The following PTPRG variants were observed in gnomAD, a reference collection of about 807,000 sequenced individuals.
The protein encoded by PTPRG is protein tyrosine phosphatase receptor type G, also known as receptor-type tyrosine-protein phosphatase gamma.
PTPRG carries 102 observed loss-of-function variants against 165.3 expected under a neutral mutation model. The ratio of observed to expected loss-of-function variants is 0.62; its 90% CI spans 0.53 to 0.73. The LOEUF (loss-of-function observed/expected upper bound fraction) is 0.73, where lower values mean the gene tolerates loss of function less well. Ranked by LOEUF, PTPRG falls within the 30% of genes least tolerant of loss-of-function variation. PTPRG has a pLI of 0.00. For synonymous variants in PTPRG, 675 were observed against 669.5 expected (o/e 1.01, Z -0.13); for missense variants, 1,866 against 1,861.4 (o/e 1.00, Z -0.05).
intron 1 of PTPRG, among the ~76,000 whole-genome samples, chr3:61,648,166 G>A (rs1702255627): frequency 6.6e-6 from 1 of 152,200 alleles, no homozygotes; most frequent in Non-Finnish European, 1.5e-5. Context: ...GCAGGGTGTT[G>A]TGGACCCCCA....
At position 62,092,893 on chromosome 3, in the gene PTPRG, A is replaced by G. The variant is rs542112455; in HGVS notation, c.615+14635A>G. 2.0e-5 allele frequency among the ~76,000 whole-genome samples: 3 copies of G among 152,336 alleles called. No individual in the cohort carries two copies. In the East Asian group the frequency reaches 5.8e-4, roughly 29 times the overall value. On this transcript the variant is annotated intron_variant, in intron 5 of 29. Coordinates refer to ENST00000474889, the MANE Select transcript of PTPRG (RefSeq NM_002841.4). Reference sequence around the variant, plus strand: ...GCAGTGGGAAGGGTCGTTAACCTGCATGTGTGAGAGAGGAAAGGCATTCTC... The same window carrying G: ...GCAGTGGGAAGGGTCGTTAACCTGCGTGTGTGAGAGAGGAAAGGCATTCTC...
chr3:61,867,361 A>G lies in PTPRG; in HGVS notation c.190+118379A>G, dbSNP rs1194909677. The stretch of plus-strand genomic sequence containing the variant: ...AAGCAAAAAGCCAAGGGAAGGAGGT[A>G]CCCGCTGGGTAACTGGTTAGTGTAA... On this transcript the variant is annotated intron_variant, in intron 2 of 29. Transcript: ENST00000474889. Among the ~76,000 whole-genome samples the G allele has an allele frequency of 1.3e-5, 2 of 152,176 alleles. 1 individual carries two copies. The highest frequency in any genetic ancestry group is 4.8e-5 in the African/African-American group (2 of 41,452).
intron 5 of PTPRG, among the ~76,000 whole-genome samples, chr3:62,081,779 A>T (rs1172013769): frequency 6.6e-6 from 1 of 152,210 alleles, no homozygotes; most frequent in African/African-American, 2.4e-5. Context: ...TTTGCTCTCT[A>T]TAAGAATGAT....
At chr3:62,004,486 C>T (rs1291613118) in intron 4 of PTPRG, among the ~76,000 whole-genome samples, 2 of 152,184 alleles carry the variant, frequency 1.3e-5, no homozygotes, top group Admixed American at 6.5e-5. Flanking sequence ...CACCAAATAC[C>T]TCCTTGCCCC....
chr3:62,201,732 G>A (rs993874614), intron 11 of PTPRG, among the ~76,000 whole-genome samples, 178 bp downstream of exon 11: 1 of 152,176 alleles, frequency 6.6e-6, no homozygotes, highest in Admixed American at 6.5e-5. Flanking sequence ...AACACAAGCT[G>A]TGCAACAGTG....
intron 2 of PTPRG, among the ~76,000 whole-genome samples, chr3:61,949,195 C>G (rs2039837556): frequency 6.6e-6 from 1 of 151,952 alleles, no homozygotes; most frequent in Admixed American, 6.6e-5. Context: ...ACCAAATCAA[C>G]CAACCAAACA....
Position 62,026,038 on chromosome 3 carries a change from T to C in PTPRG, c.519+22541T>C, listed in dbSNP as rs183120287. On this transcript the variant is annotated intron_variant, in intron 4 of 29. Transcript: ENST00000474889. The stretch of plus-strand genomic sequence containing the variant: ...TAAAGAGAAAAATGATTTTGCGACC[T>C]AGGCATTAAAGTATGCAGTGCCATC... Among the ~76,000 whole-genome samples, 185 of 152,354 alleles carry C rather than the reference T, an allele frequency of 1.2e-3. 1 individual carries two copies. Among genetic ancestry groups the C allele is most frequent in the African/African-American group, 4.2e-3 (175 of 41,592 alleles).
chr3:62,120,259 G>C (rs2106886970), intron 5 of PTPRG, among the ~76,000 whole-genome samples: 1 of 152,046 alleles, frequency 6.6e-6, no homozygotes, highest in Middle Eastern at 3.4e-3. Flanking sequence ...AGATGGTGTT[G>C]ATCCAGGATA....
chr3:61,979,824 G>C (rs1175220149), intron 2 of PTPRG, among the ~76,000 whole-genome samples: 1 of 152,188 alleles, frequency 6.6e-6, no homozygotes. Context: ...CAGGAAGTGA[G>C]TTAATCATCC....
intron 2 of PTPRG, among the ~76,000 whole-genome samples, chr3:61,966,195 A>G (rs898432036): frequency 3.9e-5 from 6 of 152,196 alleles, no homozygotes; most frequent in African/African-American, 7.2e-5. Context: ...ATCATCTCGC[A>G]TGCTTAACTA....
chr3:61,585,106 C>T (rs1409907631), intron 1 of PTPRG, among the ~76,000 whole-genome samples: 3 of 151,626 alleles, frequency 2.0e-5, no homozygotes. Context: ...CATGGCAAAA[C>T]CCCATCTGTA....
At chr3:61,755,012 G>A (rs964988454) in intron 2 of PTPRG, among the ~76,000 whole-genome samples, 6 of 150,284 alleles carry the variant, frequency 4.0e-5, no homozygotes, top group African/African-American at 9.8e-5. Flanking sequence ...TTTCTTTTGA[G>A]ATGGAGTCTT....
chr3:61,803,190 TA>T (rs1299071435), intron 2 of PTPRG, among the ~76,000 whole-genome samples: 1 of 152,198 alleles, frequency 6.6e-6, no homozygotes, highest in Non-Finnish European at 1.5e-5. Context: ...ACATGTAATT[TA>T]AAATTTTCTA....
intron 1 of PTPRG, among the ~76,000 whole-genome samples, chr3:61,674,510 A>T (rs1703153287): frequency 7.4e-6 from 1 of 135,064 alleles, no homozygotes; most frequent in Admixed American, 7.6e-5. Flanking sequence ...AAAAAAAAAA[A>T]GCCATATTAG....
At chr3:61,937,232 A>G (rs572590896) in intron 2 of PTPRG, among the ~76,000 whole-genome samples, 1 of 152,338 alleles carries the variant, frequency 6.6e-6, no homozygotes, top group South Asian at 2.1e-4. Context: ...AACCTAGGCA[A>G]GCAAAGTGCT....
At chr3:61,964,260 G>A (rs947890342) in intron 2 of PTPRG, among the ~76,000 whole-genome samples, 1 of 152,190 alleles carries the variant, frequency 6.6e-6, no homozygotes, top group Non-Finnish European at 1.5e-5. Flanking sequence ...ATATTGGCAG[G>A]ATGGCTTTAT....
intron 2 of PTPRG, among the ~76,000 whole-genome samples, chr3:61,752,797 A>AAG (rs1559592514): frequency 2.9e-5 from 3 of 104,000 alleles, no homozygotes; most frequent in Non-Finnish European, 4.2e-5. Flanking sequence ...AAAAAAAAAA[A>AAG]AAAAGAAAAA....
rs997551155 is a variant in PTPRG at position 62,066,177 on chromosome 3, G to T, written c.520-11986G>T. ...CTTAGCTTAATTGCAAATTCATGACGTCATCATTTCCCCGAAAACATGACG... is the reference window on the plus strand; with the variant it reads ...CTTAGCTTAATTGCAAATTCATGACTTCATCATTTCCCCGAAAACATGACG... On this transcript the variant is annotated intron_variant, in intron 4 of 29. Transcript: ENST00000474889. 7.2e-5 allele frequency among the ~76,000 whole-genome samples: 11 copies of T among 152,226 alleles called. No homozygotes were observed. The East Asian group carries it at 1.5e-3, about 21-fold the overall frequency.
chr3:61,652,531 T>C (rs985414654), intron 1 of PTPRG, among the ~76,000 whole-genome samples: 8 of 151,208 alleles, frequency 5.3e-5, no homozygotes, highest in African/African-American at 2.0e-4. Flanking sequence ...TTAAGGGATA[T>C]TCAGTGGAGC....
Sources: gnomAD v4.1 joint callset for allele counts (sites outside exome capture counted in the v4.1 genomes callset) on GRCh38, gnomAD v4.1.1 for gene constraint, MANE v1.5 for transcripts, NCBI Gene and HGNC (gene_info 2026-07-23, HGNC 2026-07-21) for gene names.